MGMT: variants seen among roughly 807,000 people sequenced by gnomAD.
MGMT encodes the protein methylated-DNA--protein-cysteine methyltransferase.
A neutral mutation model predicts 15.9 loss-of-function variants in MGMT; 14 were observed. The observed-to-expected ratio is 0.88, with a 90% CI of 0.58 to 1.37. MGMT has a LOEUF of 1.37. Among genes scored for constraint, MGMT ranks in the 40% most tolerant of loss-of-function variants. The pLI, the probability that MGMT is intolerant of heterozygous loss-of-function variation, is 0.00. For synonymous variants in MGMT, 130 were observed against 118.2 expected, an observed-to-expected ratio of 1.10 and a Z score of -0.65; for missense variants, 282 against 268.1, an observed-to-expected ratio of 1.05 and a Z score of -0.36.
rs370853747 is a variant in MGMT at position 129,687,228 on chromosome 10, A to G, written c.126-20667A>G. Among the ~76,000 whole-genome samples, 438 of 100,768 alleles carry G rather than the reference A, an allele frequency of 4.3e-3. 3 individuals carry two copies. Among genetic ancestry groups the G allele is most frequent in the African/African-American group, 0.024 (430 of 18,142 alleles). The allele number at this position is 100,768 out of a possible 152,430, so 66.1% of individuals were successfully genotyped here. On this transcript the variant is annotated intron_variant, in intron 2 of 4. Transcript: ENST00000651593. ...TCTTTTTGAGATATATATAATAGGG[A>G]TGAACTTTTATTTCATTTTTCTAGA...
chr10:129,558,804 G>A (rs1165113269), intron 2 of MGMT, among the ~76,000 whole-genome samples: 10 of 152,090 alleles, frequency 6.6e-5, no homozygotes, highest in Non-Finnish European at 1.0e-4. Context: ...GGAGCCTTTC[G>A]AAAAGTGTGT....
chr10:129,517,496 G>C (rs1178835684), intron 1 of MGMT, among the ~76,000 whole-genome samples: 1 of 152,162 alleles, frequency 6.6e-6, no homozygotes, highest in Non-Finnish European at 1.5e-5. Flanking sequence ...TCTCTACCTC[G>C]GTTTACCTTT....
At chr10:129,749,627 G>C (rs1442835076) in intron 3 of MGMT, among the ~76,000 whole-genome samples, 1 of 152,138 alleles carries the variant, frequency 6.6e-6, no homozygotes, top group Non-Finnish European at 1.5e-5. Flanking sequence ...CAAATCAGTA[G>C]AGTAAATACC....
intron 4 of MGMT, among the ~76,000 whole-genome samples, chr10:129,763,940 G>A (rs796599510): frequency 1.9e-4 from 29 of 152,272 alleles, no homozygotes; most frequent in African/African-American, 6.3e-4. Context: ...TGTCATAGTC[G>A]TCAGAAGCCT....
intron 2 of MGMT, among the ~76,000 whole-genome samples, chr10:129,665,128 T>TCCACTCCTTCAGTCACCCCC (rs1847642239): frequency 7.7e-6 from 1 of 129,058 alleles, no homozygotes; most frequent in Admixed American, 8.2e-5. Context: ...CACCCACCCA[T>TCCACTCCTTCAGTCACCCCC]CCACTCCTTC....
chr10:129,703,056 G>A (rs954501190), intron 2 of MGMT, among the ~76,000 whole-genome samples: 6 of 152,218 alleles, frequency 3.9e-5, no homozygotes, highest in Non-Finnish European at 7.3e-5. Context: ...CTGGTTTTAT[G>A]TGTGTGTTTA....
intron 2 of MGMT, among the ~76,000 whole-genome samples, chr10:129,649,847 C>T (rs372188202): frequency 3.5e-4 from 54 of 152,284 alleles, no homozygotes; most frequent in African/African-American, 7.2e-4. Flanking sequence ...TTAAACAGGA[C>T]AAATTATTTA....
intron 2 of MGMT, among the ~76,000 whole-genome samples, chr10:129,543,349 T>C (rs1438613199): frequency 6.6e-6 from 1 of 152,180 alleles, no homozygotes; most frequent in Non-Finnish European, 1.5e-5. Flanking sequence ...GCTGTGCTCC[T>C]CTGATTGGCA....
intron 2 of MGMT, among the ~76,000 whole-genome samples, chr10:129,575,001 G>T (rs766056495): frequency 6.6e-6 from 1 of 152,086 alleles, no homozygotes; most frequent in African/African-American, 2.4e-5. Flanking sequence ...CTGCCTGGCC[G>T]CTGTGTGATC....
chr10:129,683,481 G>A (rs753510024), intron 2 of MGMT, among the ~76,000 whole-genome samples: 24 of 152,286 alleles, frequency 1.6e-4, no homozygotes, highest in African/African-American at 4.6e-4. Context: ...AGTGCTAGGC[G>A]TCCATACACA....
intron 1 of MGMT, among the ~76,000 whole-genome samples, chr10:129,527,072 G>A (rs1025606625): frequency 2.6e-5 from 4 of 152,246 alleles, no homozygotes; most frequent in Admixed American, 2.0e-4. Flanking sequence ...CTGTGGGGCC[G>A]TGGGCTTGTG....
chr10:129,499,380 CA>C (rs1204802367), intron 1 of MGMT, among the ~76,000 whole-genome samples: 1 of 152,170 alleles, frequency 6.6e-6, no homozygotes, highest in Non-Finnish European at 1.5e-5. Context: ...GGCATGTTTC[CA>C]AATGGATATG....
chr10:129,716,013 TG>T (rs1183017499), intron 3 of MGMT, among the ~76,000 whole-genome samples: 1 of 152,136 alleles, frequency 6.6e-6, no homozygotes, highest in Non-Finnish European at 1.5e-5. Flanking sequence ...TGAGGCCGCG[TG>T]GAGATGGGAA....
intron 1 of MGMT, among the ~76,000 whole-genome samples, chr10:129,523,584 C>T (rs1845836651): frequency 6.6e-6 from 1 of 152,236 alleles, no homozygotes; most frequent in South Asian, 2.1e-4. Flanking sequence ...GGTACAGCTC[C>T]CTGGTTCACA....
At chr10:129,707,656 G>A (rs565983113) in intron 2 of MGMT, among the ~76,000 whole-genome samples, 8 of 152,270 alleles carry the variant, frequency 5.3e-5, no homozygotes, top group South Asian at 2.1e-4. Context: ...GTTGCCTTGC[G>A]CTGTGATGCA....
At chr10:129,493,690 C>T (rs542919378) in intron 1 of MGMT, among the ~76,000 whole-genome samples, 4 of 152,250 alleles carry the variant, frequency 2.6e-5, no homozygotes, top group Non-Finnish European at 5.9e-5. Flanking sequence ...TCACTGTGCG[C>T]CAGGCCCAGT....
chr10:129,547,408 A>T (rs1308661740), intron 2 of MGMT, among the ~76,000 whole-genome samples: 3 of 152,094 alleles, frequency 2.0e-5, no homozygotes, highest in Non-Finnish European at 4.4e-5. Flanking sequence ...CAAAACACAC[A>T]CATGCAAATA....
chr10:129,529,164 GGGCAGT>G (rs1845903275), intron 1 of MGMT, among the ~76,000 whole-genome samples: 1 of 151,970 alleles, frequency 6.6e-6, no homozygotes, highest in Non-Finnish European at 1.5e-5. Context: ...GGAGTGTGAG[GGGCAGT>G]GGCAGGGGGA....
intron 2 of MGMT, among the ~76,000 whole-genome samples, chr10:129,686,658 C>A (rs898762945): frequency 6.6e-6 from 1 of 152,168 alleles, no homozygotes; most frequent in African/African-American, 2.4e-5. Context: ...CCACCGTGCC[C>A]GGCCTGCCAG....
Sources: gnomAD v4.1 joint callset for allele counts (sites outside exome capture counted in the v4.1 genomes callset) on GRCh38, gnomAD v4.1.1 for gene constraint, MANE v1.5 for transcripts, NCBI Gene and HGNC (gene_info 2026-07-23, HGNC 2026-07-21) for gene names.